The following UBE3B variants were observed in gnomAD, a reference collection of about 807,000 sequenced individuals.
UBE3B encodes the protein ubiquitin-protein ligase E3B.
A neutral mutation model predicts 132.3 loss-of-function variants in UBE3B; 80 were observed. The observed-to-expected ratio is 0.60, with a 90% CI of 0.50 to 0.73. UBE3B has a LOEUF of 0.73. Ranked by LOEUF, UBE3B falls within the 30% of genes least tolerant of loss-of-function variation. The pLI is 0.00. For synonymous variants in UBE3B, 487 were observed against 520.4 expected (o/e 0.94, Z 0.87); for missense variants, 1,196 against 1,362.5 (o/e 0.88, Z 1.92).
At chr12:109,527,729 A>C (rs898406790) in intron 24 of UBE3B, among the ~76,000 whole-genome samples, 3 of 144,118 alleles carry the variant, frequency 2.1e-5, no homozygotes, top group East Asian at 3.9e-4. Context: ...GGGCCCAGCC[A>C]GGGCCAGAGA....
intron 26 of UBE3B, among the ~76,000 whole-genome samples, chr12:109,531,250 A>AT (rs1882911033): frequency 6.6e-6 from 1 of 152,336 alleles, no homozygotes; most frequent in East Asian, 1.9e-4. Context: ...TTCCCCAGTT[A>AT]TGGTGTCTGT....
At position 109,499,672 on chromosome 12, in the gene UBE3B, T is replaced by C; in HGVS notation, c.980T>C (p.Leu327Ser). The C allele has an allele frequency of 6.2e-7, 1 of 1,611,602 alleles. No individual in the cohort carries two copies. Among genetic ancestry groups the C allele is most frequent in the Non-Finnish European group, 8.5e-7 (1 of 1,178,686 alleles). The change falls in exon 12 of 28, where the codon TTA (leucine) becomes TCA (serine). Residue 327 changes from leucine (L) to serine (S), a missense_variant. By Grantham distance (145) the Leu-to-Ser change is moderately radical (BLOSUM62 -2). Coordinates refer to ENST00000342494, the MANE Select transcript of UBE3B (RefSeq NM_130466.4). Reference protein sequence around the residue: ...LHLGSLSPRVLEEETDGFVSL... With the variant: ...LHLGSLSPRVSEEETDGFVSL... ...TTGGGCTCCCTCAGCCCCAGAGTGT[T>C]AGAGGAGGAGACAGATGGGTTCGTG... is the stretch of plus-strand genomic sequence containing the variant.
At position 109,488,688 on chromosome 12, in the gene UBE3B, A is replaced by G. The variant is rs763985931; in HGVS notation, c.544+20A>G. ...GAAAAGGTCTGTGGGACTTGCTTCA[A>G]AATGTTCTCTAACCAACATTTCCAT... On this transcript the variant is annotated intron_variant, in intron 7 of 27. Coordinates refer to ENST00000342494, the MANE Select transcript of UBE3B (RefSeq NM_130466.4). The G allele has an allele frequency of 3.1e-6, 5 of 1,607,296 alleles. No individual in the cohort carries two copies. The African/African-American group carries it at 5.4e-5, about 17-fold the overall frequency.
chr12:109,485,951 C>G, intron 4 of UBE3B, 61 bp from the exon 5 acceptor site: 4 of 1,544,362 alleles, frequency 2.6e-6, no homozygotes, highest in Non-Finnish European at 3.5e-6. Context: ...GGCTTGTTTT[C>G]TTTGTTTTCA....
chr12:109,508,072 GCCAGGGTGCAGAT>G lies in UBE3B; in HGVS notation c.1622+340_1622+352del, dbSNP rs201030846. On this transcript the variant is annotated intron_variant, in intron 15 of 27. Coordinates refer to ENST00000342494, the MANE Select transcript of UBE3B (RefSeq NM_130466.4). ...ATTCCTGGAAAATTCCAAAGTCAGA[GCCAGGGTGCAGAT>G]CCTTGCTAAGCAGATCTTGAGACAC... 4.2e-3 allele frequency among the ~76,000 whole-genome samples: 641 copies of G among 152,300 alleles called. 9 individuals are homozygous for G. The highest frequency in any genetic ancestry group is 1.3e-3 in the Non-Finnish European group (88 of 68,018).
rs748814658 is a variant in UBE3B, at chr12:109,507,723, G to A, written c.1610G>A (p.Arg537Gln). 2.7e-5 allele frequency: 43 copies of A among 1,612,604 alleles called. No individual in the cohort carries two copies. Among genetic ancestry groups the A allele is most frequent in the Admixed American group, 6.7e-5 (4 of 59,770 alleles). The change falls in exon 15 of 28, where the codon CGG becomes CAG. Residue 537 changes from arginine (R) to glutamine (Q), a missense_variant. Physicochemically the swap from Arg to Gln is conservative, Grantham distance 43 (BLOSUM62 1). Coordinates refer to ENST00000342494, the MANE Select transcript of UBE3B (RefSeq NM_130466.4). ...AMLMLFCDCS[R>Q]HLITILDDIE... ...CTGATGCTGTTCTGTGACTGTTCGCGGCACCTCATCACGTAGGTTGACTGC... is the reference window on the plus strand; with the variant it reads ...CTGATGCTGTTCTGTGACTGTTCGCAGCACCTCATCACGTAGGTTGACTGC...
rs1877158872 is a variant in UBE3B, at chr12:109,489,981, C to T, written c.607C>T (p.His203Tyr). Residue 203 changes from histidine to tyrosine, a missense_variant, in exon 8 of 28, where the codon CAT becomes TAT. Transcript: ENST00000342494. The part of the protein sequence containing the change: ...CANIMGHLNQ[H>Y]GFYSVLQILL... The stretch of plus-strand genomic sequence containing the variant: ...AAATATAATGGGACATCTCAACCAG[C>T]ATGGATTTTATTCTGTGCTGCAGGT... 1 of 1,614,116 alleles carries T rather than the reference C, an allele frequency of 6.2e-7. No homozygotes were observed. Among genetic ancestry groups the T allele is most frequent in the African/African-American group, 1.3e-5 (1 of 74,938 alleles).
intron 8 of UBE3B, 186 bp from the exon 9 acceptor site, chr12:109,490,859 C>A: frequency 2.7e-6 from 3 of 1,110,198 alleles, no homozygotes; most frequent in South Asian, 1.9e-5. Flanking sequence ...GCCCTGTCAC[C>A]CAGGCTGGCC....
In UBE3B at chr12:109,526,417, G is replaced by A; in HGVS notation, c.2627+1G>A. The A allele has an allele frequency of 6.2e-7, 1 of 1,614,110 alleles. No homozygotes were observed. Among genetic ancestry groups the A allele is most frequent in the Non-Finnish European group, 8.5e-7 (1 of 1,179,986 alleles). On this transcript the variant is annotated splice_donor_variant, in intron 24 of 27. Transcript: ENST00000342494. LOFTEE classifies it high-confidence loss of function. ...CCATTCCTGTTACAAATGAAAATAA[G>A]TGAGTATAGCAATTAGGTTTTTAAG... is the stretch of plus-strand genomic sequence containing the variant.
intron 4 of UBE3B, among the ~76,000 whole-genome samples, chr12:109,485,563 T>C (rs1166410441): frequency 2.6e-5 from 4 of 152,232 alleles, no homozygotes; most frequent in African/African-American, 9.6e-5. Context: ...TCCACTTTTC[T>C]TCCTTTTGCA....
chr12:109,509,923 C>T (rs541102625), intron 16 of UBE3B, among the ~76,000 whole-genome samples: 27 of 152,312 alleles, frequency 1.8e-4, no homozygotes, highest in African/African-American at 6.0e-4. Flanking sequence ...CTCCCAGGCT[C>T]CCTTCAGGAT....
rs756881415 is a variant in UBE3B at position 109,510,330 on chromosome 12, T to C, written c.1742-14T>C. On this transcript the variant is annotated splice_polypyrimidine_tract_variant and intron_variant, in intron 16 of 27. Transcript: ENST00000342494. ...TGACTCCTCCTCTGACTTTCCTGTT[T>C]GTTTGTCCCACAGAGAACGCCAAGG... 3 of 1,586,916 alleles carry C rather than the reference T, an allele frequency of 1.9e-6. No homozygotes were observed. The African/African-American group carries it at 4.0e-5, about 21-fold the overall frequency.
intron 15 of UBE3B, 148 bp from the exon 16 acceptor site, chr12:109,509,448 T>C: frequency 1.8e-6 from 1 of 558,576 alleles, no homozygotes; most frequent in Non-Finnish European, 3.1e-6. Context: ...TGATATCATA[T>C]CATTTTATCT....
rs561285343 is a variant in UBE3B at position 109,491,883 on chromosome 12, G to A, written c.713+756G>A. The A allele has an allele frequency of 2.9e-4, 44 of 152,308 alleles. 1 individual carries two copies. The highest frequency in any genetic ancestry group is 9.9e-4 in the African/African-American group (41 of 41,560). The allele number at this position is 152,308 out of a possible 1,614,324, so 9.4% of individuals were successfully genotyped here. A position where few individuals can be genotyped will look rare whatever the true frequency, so the allele number is the denominator to read the frequency against. ...AGGACCCCATGGGCTTATTTAACCC[G>A]GGGTTGGCCCAAACGTATCTGAGCA... is the stretch of plus-strand genomic sequence containing the variant. On this transcript the variant is annotated intron_variant, in intron 9 of 27. Coordinates refer to ENST00000342494, the MANE Select transcript of UBE3B (RefSeq NM_130466.4).
At chr12:109,533,190 C>G (rs969305469) in intron 26 of UBE3B, among the ~76,000 whole-genome samples, 1 of 152,218 alleles carries the variant, frequency 6.6e-6, no homozygotes, top group Non-Finnish European at 1.5e-5. Flanking sequence ...TTGTGCTGTT[C>G]CTACTCTGCA....
At chr12:109,539,299 A>AC (rs1169243129), downstream of UBE3B, among the ~76,000 whole-genome samples, 1 of 152,174 alleles carries the variant, frequency 6.6e-6, no homozygotes, top group Non-Finnish European at 1.5e-5. Flanking sequence ...CATAGTTCTC[A>AC]CCACCCTCTG....
At chr12:109,508,854 A>G in intron 15 of UBE3B, 3 of 659,542 alleles carry the variant, frequency 4.5e-6, no homozygotes, top group Non-Finnish European at 5.6e-6. Flanking sequence ...ATGCTTACTA[A>G]GTACCTGCTA....
In UBE3B at chr12:109,524,714, G is replaced by T. The variant is rs187177234; in HGVS notation, c.2568+211G>T. Among the ~76,000 whole-genome samples the T allele has an allele frequency of 2.6e-5, 4 of 151,990 alleles. No individual in the cohort carries two copies. In the South Asian group the frequency reaches 8.3e-4, roughly 32 times the overall value. ...GTTGACCTGGCCTTTGAAGCTTCCC[G>T]CAGAGACCCTGCTTTCTTATATCGC... is the stretch of plus-strand genomic sequence containing the variant. On this transcript the variant is annotated intron_variant, in intron 23 of 27. Coordinates refer to ENST00000342494, the MANE Select transcript of UBE3B (RefSeq NM_130466.4).
chr12:109,490,803 T>G (rs1877343094), intron 8 of UBE3B: 2 of 1,237,314 alleles, frequency 1.6e-6, no homozygotes, highest in Non-Finnish European at 1.1e-6. Flanking sequence ...CTGCATACGG[T>G]TTTTTGTTTT....
Sources: allele counts gnomAD v4.1 joint callset (sites outside exome capture counted in the v4.1 genomes callset), GRCh38; gene constraint gnomAD v4.1.1; transcripts MANE v1.5; gene names NCBI Gene and HGNC (gene_info 2026-07-23, HGNC 2026-07-21).